Variants in RBFOX1 observed in about 807,000 individuals in gnomAD.
The protein encoded by RBFOX1 is RNA binding fox-1 homolog 1.
In RBFOX1, 8 loss-of-function variants were observed where a neutral mutation model predicts 57.7. The observed-to-expected ratio is 0.14, with a 90% confidence interval of 0.08 to 0.25. The LOEUF (loss-of-function observed/expected upper bound fraction) is 0.25, where lower values mean the gene tolerates loss of function less well. RBFOX1 is among the 10% of genes least tolerant of loss of function. The probability of loss-of-function intolerance (pLI) is 1.00; values close to 1 mark genes in which losing one functional copy is unlikely to be tolerated. For synonymous variants in RBFOX1, 326 were observed against 222.4 expected, an observed-to-expected ratio of 1.47 and a Z score of -4.15; for missense variants, 611 against 548.5, an observed-to-expected ratio of 1.11 and a Z score of -1.14.
At chr16:7,483,219 A>G (rs1400230990) in intron 4 of RBFOX1, among the ~76,000 whole-genome samples, 1 of 152,330 alleles carries the variant, frequency 6.6e-6, no homozygotes, top group Non-Finnish European at 1.5e-5. Context: ...AGACTCATCA[A>G]ACTATTTTGG....
At chr16:5,814,849 A>T (rs1387866757) in intron 3 of RBFOX1, among the ~76,000 whole-genome samples, 1 of 152,182 alleles carries the variant, frequency 6.6e-6, no homozygotes, top group Non-Finnish European at 1.5e-5. Flanking sequence ...GAATGGCGTG[A>T]ACCTGGGAAG....
chr16:5,471,904 C>T (rs1254004379), intron 2 of RBFOX1, among the ~76,000 whole-genome samples: 1 of 152,138 alleles, frequency 6.6e-6, no homozygotes, highest in Non-Finnish European at 1.5e-5. Flanking sequence ...TGCCCTCAGC[C>T]CCGCTTCATG....
At chr16:6,560,411 A>G (rs1328606816) in intron 2 of RBFOX1, among the ~76,000 whole-genome samples, 1 of 152,076 alleles carries the variant, frequency 6.6e-6, no homozygotes, top group Non-Finnish European at 1.5e-5. Flanking sequence ...TGTGAAGGTG[A>G]CATTTTGGCA....
intron 1 of RBFOX1, among the ~76,000 whole-genome samples, chr16:6,061,602 A>G (rs1212723233): frequency 2.6e-5 from 4 of 151,804 alleles, no homozygotes; most frequent in Admixed American, 2.0e-4. Context: ...ACTATAATAA[A>G]ATTAAGTATA....
intron 2 of RBFOX1, among the ~76,000 whole-genome samples, chr16:6,390,314 C>T (rs890393868): frequency 2.6e-5 from 4 of 152,150 alleles, no homozygotes; most frequent in Admixed American, 6.5e-5. Context: ...TGCCCCTCCC[C>T]ACCCCCAAAT....
intron 4 of RBFOX1, among the ~76,000 whole-genome samples, chr16:7,222,198 G>A (rs112734986): frequency 6.6e-6 from 1 of 152,140 alleles, no homozygotes; most frequent in East Asian, 1.9e-4. Flanking sequence ...CCACACCAGA[G>A]GGCAGGTGGT....
chr16:5,785,761 A>G (rs1389553233), intron 3 of RBFOX1, among the ~76,000 whole-genome samples: 1 of 152,112 alleles, frequency 6.6e-6, no homozygotes, highest in Admixed American at 6.6e-5. Flanking sequence ...TCCCGACCTC[A>G]GGTGATCCAC....
chr16:7,470,560 G>T (rs901540008), intron 4 of RBFOX1, among the ~76,000 whole-genome samples: 1 of 151,790 alleles, frequency 6.6e-6, no homozygotes, highest in Non-Finnish European at 1.5e-5. Flanking sequence ...TGAGTGGTAG[G>T]CAGATGAGGT....
At chr16:6,937,290 T>C (rs1366688441) in intron 3 of RBFOX1, among the ~76,000 whole-genome samples, 1 of 152,160 alleles carries the variant, frequency 6.6e-6, no homozygotes, top group African/African-American at 2.4e-5. Flanking sequence ...CACTGTTTCC[T>C]TTTTACCTTC....
chr16:6,567,984 C>G (rs1370256550), intron 2 of RBFOX1, among the ~76,000 whole-genome samples: 1 of 152,040 alleles, frequency 6.6e-6, no homozygotes, highest in African/African-American at 2.4e-5. Context: ...CCATGCCAGG[C>G]TAATTATTTA....
intron 1 of RBFOX1, among the ~76,000 whole-genome samples, chr16:6,069,879 C>CG (rs1356089985): frequency 1.3e-5 from 2 of 151,854 alleles, no homozygotes; most frequent in Admixed American, 1.3e-4. Flanking sequence ...CCCAGCTATT[C>CG]GGGAGGCTGA....
rs541095774 is a variant in RBFOX1 at position 6,451,193 on chromosome 16, T to C, written c.-64+134136T>C. ...GCTAAAACTCTACCTATTATTCTTT[T>C]ATTTTTTTATTTTTGAAGCAAAATA... On this transcript the variant is annotated intron_variant, in intron 2 of 15. Transcript: ENST00000550418. Among the ~76,000 whole-genome samples the C allele has an allele frequency of 2.0e-5, 3 of 152,164 alleles. No individual in the cohort carries two copies. In the East Asian group the frequency reaches 5.8e-4, roughly 29 times the overall value.
At chr16:5,390,473 G>A (rs944409815) in intron 1 of RBFOX1, among the ~76,000 whole-genome samples, 3 of 151,890 alleles carry the variant, frequency 2.0e-5, no homozygotes, top group Non-Finnish European at 4.4e-5. Context: ...ATTTTTCGTA[G>A]AGACGGGGTT....
At position 6,019,041 on chromosome 16, in the gene RBFOX1, G is replaced by T; in HGVS notation, c.-1078G>T. On this transcript the variant is annotated 5_prime_UTR_variant, in exon 1 of 16. Coordinates refer to ENST00000550418, the MANE Select transcript of RBFOX1 (RefSeq NM_018723.4). This position sits in a 1 kb window ranked among gnomAD's most constrained non-coding sequence, Gnocchi z 4.2. Reference sequence around the variant, plus strand: ...CGCGCACCAGATTATTTTTGGCTCCGCAGCCGGGGCTGCTCGCTGCTTGTC... The same window carrying T: ...CGCGCACCAGATTATTTTTGGCTCCTCAGCCGGGGCTGCTCGCTGCTTGTC... 2 of 957,600 alleles carry T rather than the reference G, an allele frequency of 2.1e-6. No individual in the cohort carries two copies. Among genetic ancestry groups the T allele is most frequent in the Non-Finnish European group, 2.5e-6 (2 of 805,410 alleles). 59.3% of individuals were successfully genotyped at this position (957,600 alleles called of 1,614,324 possible).
chr16:6,112,919 C>T (rs754086170), intron 1 of RBFOX1, among the ~76,000 whole-genome samples: 1 of 152,130 alleles, frequency 6.6e-6, no homozygotes, highest in Non-Finnish European at 1.5e-5. Flanking sequence ...TAAGTATCTC[C>T]TGTTTATTGT....
At chr16:6,488,582 A>T (rs2095557435) in intron 2 of RBFOX1, among the ~76,000 whole-genome samples, 1 of 152,162 alleles carries the variant, frequency 6.6e-6, no homozygotes, top group Non-Finnish European at 1.5e-5. Flanking sequence ...AAGTGATTAG[A>T]CTGCAAATTT....
intron 3 of RBFOX1, among the ~76,000 whole-genome samples, chr16:6,912,468 C>T (rs961681820): frequency 2.0e-5 from 3 of 152,046 alleles, no homozygotes; most frequent in Middle Eastern, 3.2e-3. Context: ...TCCAGCCCTG[C>T]GGCTCAGATA....
chr16:5,287,512 A>C (rs2063425784), intron 1 of RBFOX1, among the ~76,000 whole-genome samples: 1 of 152,242 alleles, frequency 6.6e-6, no homozygotes, highest in African/African-American at 2.4e-5. Flanking sequence ...AGTTGTTGTC[A>C]GAAAATGCTG....
intron 10 of RBFOX1, among the ~76,000 whole-genome samples, chr16:7,628,072 C>T (rs572203649): frequency 6.6e-6 from 1 of 152,202 alleles, no homozygotes; most frequent in South Asian, 2.1e-4. Context: ...CAGTGGAATT[C>T]TATAAATTGC....
Sources: allele counts gnomAD v4.1 joint callset (sites outside exome capture counted in the v4.1 genomes callset), GRCh38; gene constraint gnomAD v4.1.1; non-coding constraint Gnocchi (gnomAD v3.1); transcripts MANE v1.5; gene names NCBI Gene and HGNC (gene_info 2026-07-23, HGNC 2026-07-21).